CEMIP2: variants seen among roughly 807,000 people sequenced by gnomAD.
CEMIP2 encodes cell migration inducing hyaluronidase 2.
In CEMIP2, 79 loss-of-function variants were observed where a neutral mutation model predicts 146.9. The ratio of observed to expected loss-of-function variants is 0.54; its 90% confidence interval spans 0.45 to 0.65. The LOEUF (loss-of-function observed/expected upper bound fraction) is 0.65, where lower values mean the gene tolerates loss of function less well. CEMIP2 is among the 30% of genes least tolerant of loss of function. CEMIP2 has a pLI of 0.00. For missense variants in CEMIP2, 1,596 were observed against 1,696.2 expected, an observed-to-expected ratio of 0.94 and a Z score of 1.04; for synonymous variants, 601 against 606.3, an observed-to-expected ratio of 0.99 and a Z score of 0.13.
intron 1 of CEMIP2, among the ~76,000 whole-genome samples, chr9:71,755,046 T>C (rs1824383167): frequency 6.6e-6 from 1 of 152,164 alleles, no homozygotes; most frequent in Non-Finnish European, 1.5e-5. Flanking sequence ...AAAAAACTGG[T>C]GTATTACCTC....
Position 71,685,338 on chromosome 9 carries a change from T to C in CEMIP2, c.4011A>G (p.Leu1337=). The C allele has an allele frequency of 6.3e-7, 1 of 1,594,612 alleles. No individual in the cohort carries two copies. Among genetic ancestry groups the C allele is most frequent in the African/African-American group, 1.5e-5 (1 of 68,384 alleles). Reference sequence around the variant, plus strand: ...GGCCCTGTCCAGCAGGACTGGTAAATAGCTTAGTCCATGATGGTTTAAAGT... The same window carrying C: ...GGCCCTGTCCAGCAGGACTGGTAAACAGCTTAGTCCATGATGGTTTAAAGT... ...SGNFKPSWTK[L]FTSPAGQGLG... is the part of the protein sequence containing the mutation. Residue 1337 remains leucine (L), a synonymous_variant, in exon 24 of 24, where the codon CTA becomes CTG. Coordinates refer to ENST00000377044, the MANE Select transcript of CEMIP2 (RefSeq NM_013390.3).
intron 19 of CEMIP2, chr9:71,699,496 A>T (rs1213939675): frequency 2.4e-6 from 1 of 419,978 alleles, no homozygotes; most frequent in East Asian, 7.0e-5. Context: ...AAGAAAAATT[A>T]AAAATTGGAG....
At chr9:71,704,116 T>C (rs1205793200) in intron 18 of CEMIP2, among the ~76,000 whole-genome samples, 5 of 152,166 alleles carry the variant, frequency 3.3e-5, no homozygotes, top group Admixed American at 3.3e-4. Flanking sequence ...AGGGATAAAA[T>C]AGTGCTTTCA....
At chr9:71,715,191 A>G in intron 14 of CEMIP2, 102 bp from the exon 15 acceptor site, 1 of 1,329,594 alleles carries the variant, frequency 7.5e-7, no homozygotes, top group Non-Finnish European at 1.0e-6. Flanking sequence ...GTTTTAAAAG[A>G]AGTCAATAGC....
intron 17 of CEMIP2, among the ~76,000 whole-genome samples, chr9:71,705,394 T>A (rs1390891223): frequency 6.6e-6 from 1 of 152,118 alleles, no homozygotes; most frequent in African/African-American, 2.4e-5. Flanking sequence ...TTAGAGCTAC[T>A]TGCCATGCCA....
At chr9:71,700,364 G>C (rs1296844884) in intron 19 of CEMIP2, among the ~76,000 whole-genome samples, 2 of 152,130 alleles carry the variant, frequency 1.3e-5, no homozygotes, top group African/African-American at 2.4e-5. Context: ...AAAAATTATT[G>C]TAATTTCCAA....
rs141686995 is a variant in CEMIP2, at chr9:71,704,741, C to T, written c.3048G>A (p.Pro1016=). The change falls in exon 18 of 24, where the codon CCG becomes CCA. Residue 1016 remains proline (P), a synonymous_variant. Transcript: ENST00000377044. ...TACCTCGGAGCACCATAGGGTTGGACGGATACTCATCTCGTGTAATGGTCA... is the reference window on the plus strand; with the variant it reads ...TACCTCGGAGCACCATAGGGTTGGATGGATACTCATCTCGTGTAATGGTCA... ...LSMTITRDEY[P]SNPMVLRGIN... 1.6e-4 allele frequency: 251 copies of T among 1,613,920 alleles called. No homozygotes were observed. Among genetic ancestry groups the T allele is most frequent in the Non-Finnish European group, 1.8e-4 (212 of 1,180,032 alleles).
Position 71,728,231 on chromosome 9 carries a change from C to CG in CEMIP2, c.2049+1613_2049+1614insC, listed in dbSNP as rs1823457765. On this transcript the variant is annotated intron_variant, in intron 10 of 23. Coordinates refer to ENST00000377044, the MANE Select transcript of CEMIP2 (RefSeq NM_013390.3). The stretch of plus-strand genomic sequence containing the variant: ...TCTCTCTCTCTCTCTCTCTCTCTCT[C>CG]TATATATATATATATATATGTATAT... Among the ~76,000 whole-genome samples, 9 of 14,778 alleles carry CG rather than the reference C, an allele frequency of 6.1e-4. 1 individual carries two copies. Among genetic ancestry groups the CG allele is most frequent in the African/African-American group, 6.8e-4 (3 of 4,412 alleles). 9.7% of individuals were successfully genotyped at this position (14,778 alleles called of 152,430 possible).
chr9:71,728,221 CTCTCTCTCTCTATATATA>C (rs1481229233), intron 10 of CEMIP2, among the ~76,000 whole-genome samples: 1 of 27,300 alleles, frequency 3.7e-5, no homozygotes, highest in African/African-American at 9.3e-5. Context: ...CTCTCTCTCT[CTCTCTCTCTCTATATATA>C]TATATATATA....
intron 1 of CEMIP2, among the ~76,000 whole-genome samples, chr9:71,758,206 T>C (rs1824522187): frequency 6.6e-6 from 1 of 152,214 alleles, no homozygotes; most frequent in African/African-American, 2.4e-5. Context: ...TCAACTTTCA[T>C]TCAGAGATCT....
At chr9:71,713,479 G>A (rs1238520687) in intron 15 of CEMIP2, among the ~76,000 whole-genome samples, 1 of 152,086 alleles carries the variant, frequency 6.6e-6, no homozygotes, top group Non-Finnish European at 1.5e-5. Flanking sequence ...TCAGCAGTGT[G>A]AAAACGGACT....
chr9:71,715,107 A>G lies in CEMIP2; in HGVS notation c.2436-18T>C. On this transcript the variant is annotated intron_variant, in intron 14 of 23. Transcript: ENST00000377044. ...TTCCATCACTGTTAAAATGCGAACA[A>G]TCATTAGCTACATTTCTCCAGAAAA... is the stretch of plus-strand genomic sequence containing the variant. The G allele has an allele frequency of 6.2e-7, 1 of 1,610,820 alleles. No individual in the cohort carries two copies. The highest frequency in any genetic ancestry group is 1.7e-5 in the Admixed American group (1 of 59,314).
chr9:71,685,751 T>C lies in CEMIP2; in HGVS notation c.3947A>G (p.Tyr1316Cys). ...ATAATACAAATACAAACCTTTGTCATAAAGATGAGCTGGTTTGGCTAATCC... is the reference window on the plus strand; with the variant it reads ...ATAATACAAATACAAACCTTTGTCACAAAGATGAGCTGGTTTGGCTAATCC... ...PLGLAKPAHLYDKGSTIFLGF... is the reference protein window; with the variant it reads ...PLGLAKPAHLCDKGSTIFLGF... The change falls in exon 23 of 24, where the codon TAT becomes TGT. Residue 1316 changes from tyrosine (Y) to cysteine (C), a missense_variant. Coordinates refer to ENST00000377044, the MANE Select transcript of CEMIP2 (RefSeq NM_013390.3). 6.2e-7 allele frequency: 1 copy of C among 1,612,838 alleles called. No individual in the cohort carries two copies. Among genetic ancestry groups the C allele is most frequent in the Non-Finnish European group, 8.5e-7 (1 of 1,178,900 alleles).
chr9:71,755,346 T>TACAC lies in CEMIP2; in HGVS notation c.-12-4965_-12-4962dup, dbSNP rs34581447. Among the ~76,000 whole-genome samples the TACAC allele has an allele frequency of 7.8e-3, 1,057 of 134,924 alleles. 6 individuals are homozygous for TACAC. The highest frequency in any genetic ancestry group is 0.01 in the Non-Finnish European group (668 of 64,098). 88.5% of individuals were successfully genotyped at this position (134,924 alleles called of 152,430 possible). A position where few individuals can be genotyped will look rare whatever the true frequency, so the allele number is the denominator to read the frequency against. On this transcript the variant is annotated intron_variant, in intron 1 of 23. Coordinates refer to ENST00000377044, the MANE Select transcript of CEMIP2 (RefSeq NM_013390.3). ...GGAACCTAGTGAGACACCCTGTCTC[T>TACAC]ACACACACACACACACACACACACA...
chr9:71,728,874 C>T (rs1049574198), intron 10 of CEMIP2, among the ~76,000 whole-genome samples: 3 of 151,560 alleles, frequency 2.0e-5, no homozygotes, highest in Non-Finnish European at 4.4e-5. Context: ...CTCTGTTACC[C>T]GGGCTGGAGT....
intron 11 of CEMIP2, among the ~76,000 whole-genome samples, chr9:71,723,355 TAA>T (rs34835433): frequency 0.05 from 7,191 of 144,474 alleles, 221 homozygotes; most frequent in South Asian, 0.07. Context: ...AAAGAGAATT[TAA>T]AAAAAAAAAA....
In CEMIP2 at chr9:71,746,226, C is replaced by T; in HGVS notation, c.447G>A (p.Val149=). Residue 149 remains valine (V), a synonymous_variant, in exon 3 of 24, where the codon GTG becomes GTA. Transcript: ENST00000377044. The stretch of plus-strand genomic sequence containing the variant: ...CTCCATCCTGAATGACTATAGAATG[C>T]ACGGTGGCGTCTGAGGTCAGACGGA... The part of the protein sequence containing the change: ...DMLRLTSDAT[V]HSIVIQDGGL... 1 of 1,613,874 alleles carries T rather than the reference C, an allele frequency of 6.2e-7. No individual in the cohort carries two copies. Among genetic ancestry groups the T allele is most frequent in the South Asian group, 1.1e-5 (1 of 91,078 alleles).
At position 71,716,501 on chromosome 9, in the gene CEMIP2, T is replaced by C; in HGVS notation, c.2435+16A>G. ...AAAGCTTTAAAATAAGTAAGTATTT[T>C]TAAGCAATTACAAACCTGGCAAAGG... On this transcript the variant is annotated intron_variant, in intron 14 of 23. Coordinates refer to ENST00000377044, the MANE Select transcript of CEMIP2 (RefSeq NM_013390.3). 6.3e-7 allele frequency: 1 copy of C among 1,575,006 alleles called. No individual in the cohort carries two copies. Among genetic ancestry groups the C allele is most frequent in the Non-Finnish European group, 8.6e-7 (1 of 1,158,432 alleles).
At chr9:71,732,322 CAAAG>C (rs3831177) in intron 7 of CEMIP2, 25 bp downstream of exon 7, 132,822 of 1,541,070 alleles carry the variant, frequency 0.086, 6,738 homozygotes, top group South Asian at 0.19. Context: ...ACCAGGATTT[CAAAG>C]AAATAATCAA....
Sources: gnomAD v4.1 joint callset for allele counts (sites outside exome capture counted in the v4.1 genomes callset) on GRCh38, gnomAD v4.1.1 for gene constraint, MANE v1.5 for transcripts, NCBI Gene and HGNC (gene_info 2026-07-23, HGNC 2026-07-21) for gene names.